Variants in PCDH9 observed in about 807,000 individuals in gnomAD.
The protein encoded by PCDH9 is protocadherin-9.
In PCDH9, 24 loss-of-function variants were observed where a neutral mutation model predicts 70.6. That is an observed-to-expected ratio of 0.34 (90% CI 0.25 to 0.48). The LOEUF (loss-of-function observed/expected upper bound fraction) is 0.48, where lower values mean the gene tolerates loss of function less well. Ranked by LOEUF, PCDH9 falls within the 20% of genes least tolerant of loss-of-function variation. The pLI is 0.99. For synonymous variants in PCDH9, 562 were observed against 558.5 expected (o/e 1.01, Z -0.09); for missense variants, 1,281 against 1,503.6 (o/e 0.85, Z 2.45).
intron 3 of PCDH9, among the ~76,000 whole-genome samples, chr13:66,669,431 T>G (rs2078142517): frequency 1.3e-5 from 2 of 152,198 alleles, no homozygotes; most frequent in South Asian, 4.1e-4. Context: ...CTTCTATCTT[T>G]TTTTTGTTGT....
intron 4 of PCDH9, among the ~76,000 whole-genome samples, chr13:66,551,590 C>T (rs1456256973): frequency 6.6e-6 from 1 of 152,120 alleles, no homozygotes; most frequent in Non-Finnish European, 1.5e-5. Flanking sequence ...AACATAAACA[C>T]TGATGTCCCA....
intron 4 of PCDH9, among the ~76,000 whole-genome samples, chr13:66,435,125 C>G (rs780453752): frequency 6.6e-6 from 1 of 151,968 alleles, no homozygotes. Context: ...AAACTGTAAC[C>G]CATGATATGG....
At chr13:66,393,531 G>T (rs1957054114) in intron 4 of PCDH9, among the ~76,000 whole-genome samples, 1 of 152,148 alleles carries the variant, frequency 6.6e-6, no homozygotes, top group Admixed American at 6.5e-5. Flanking sequence ...GGAGATTCAT[G>T]TCCTTAGGGA....
At chr13:66,865,279 G>T (rs946567187) in intron 3 of PCDH9, among the ~76,000 whole-genome samples, 2 of 152,162 alleles carry the variant, frequency 1.3e-5, no homozygotes, top group Non-Finnish European at 2.9e-5. Flanking sequence ...CTTCAGGTAT[G>T]TGGACACATT....
chr13:66,809,065 A>T (rs563215630), intron 3 of PCDH9, among the ~76,000 whole-genome samples: 1 of 152,178 alleles, frequency 6.6e-6, no homozygotes, highest in African/African-American at 2.4e-5. Context: ...CTCCTGCCTC[A>T]GCCTCCTGAG....
chr13:67,047,167 AG>A (rs141667297), intron 2 of PCDH9, among the ~76,000 whole-genome samples: 15,942 of 152,160 alleles, frequency 0.1, 908 homozygotes, highest in Middle Eastern at 0.15. Context: ...GCTAAAATTC[AG>A]ATTTCTGAAC....
Position 66,573,614 on chromosome 13 carries a change from G to A in PCDH9, c.3340+57596C>T, listed in dbSNP as rs530557863. On this transcript the variant is annotated intron_variant, in intron 4 of 4. Coordinates refer to ENST00000377865, the MANE Select transcript of PCDH9 (RefSeq NM_203487.3). ...CATAGTATCTGGCACAGGTTGAGAT[G>A]CTACGTTAAGACAGTCCATTTGCAA... Among the ~76,000 whole-genome samples the A allele has an allele frequency of 2.6e-5, 4 of 152,288 alleles. No homozygotes were observed. In the East Asian group the frequency reaches 7.7e-4, roughly 29 times the overall value.
intron 4 of PCDH9, among the ~76,000 whole-genome samples, chr13:66,485,696 C>T (rs1395337996): frequency 6.6e-6 from 1 of 151,844 alleles, no homozygotes; most frequent in Non-Finnish European, 1.5e-5. Context: ...AATTATTCTT[C>T]AACCCTATTA....
At chr13:66,427,895 G>A (rs1957700732) in intron 4 of PCDH9, among the ~76,000 whole-genome samples, 1 of 151,386 alleles carries the variant, frequency 6.6e-6, no homozygotes, top group Non-Finnish European at 1.5e-5. Context: ...GAAAATTAAT[G>A]GAACTAAATA....
At chr13:66,535,624 T>C (rs1960666032) in intron 4 of PCDH9, among the ~76,000 whole-genome samples, 1 of 152,092 alleles carries the variant, frequency 6.6e-6, no homozygotes, top group Admixed American at 6.6e-5. Context: ...ACTGGATTGA[T>C]TATGAATGTA....
intron 4 of PCDH9, among the ~76,000 whole-genome samples, chr13:66,436,788 T>C (rs1450442232): frequency 6.6e-6 from 1 of 152,156 alleles, no homozygotes; most frequent in African/African-American, 2.4e-5. Context: ...AATGCATTCT[T>C]TTTTGAAGTC....
intron 2 of PCDH9, among the ~76,000 whole-genome samples, chr13:67,161,169 ATAGT>A (rs1341186730): frequency 2.0e-5 from 3 of 152,246 alleles, no homozygotes; most frequent in Admixed American, 6.5e-5. Flanking sequence ...ATGAGTCAAA[ATAGT>A]TAGACAATTC....
intron 4 of PCDH9, among the ~76,000 whole-genome samples, chr13:66,496,245 C>G (rs1959114847): frequency 6.6e-6 from 1 of 152,136 alleles, no homozygotes; most frequent in African/African-American, 2.4e-5. Context: ...CAACTAAAAA[C>G]TTAGGTCATT....
At chr13:66,423,718 A>T (rs903070210) in intron 4 of PCDH9, among the ~76,000 whole-genome samples, 6 of 152,200 alleles carry the variant, frequency 3.9e-5, no homozygotes, top group African/African-American at 1.4e-4. Flanking sequence ...CACAGCCAAT[A>T]TCATACTGAA....
chr13:66,564,828 TTAA>T (rs943298357), intron 4 of PCDH9, among the ~76,000 whole-genome samples: 1 of 151,946 alleles, frequency 6.6e-6, no homozygotes, highest in Admixed American at 6.6e-5. Context: ...AAATACAAAA[TTAA>T]ACTCACTCAG....
At chr13:67,197,713 C>A (rs1006410393) in intron 2 of PCDH9, among the ~76,000 whole-genome samples, 2 of 151,802 alleles carry the variant, frequency 1.3e-5, no homozygotes, top group African/African-American at 4.8e-5. Flanking sequence ...TTTAAAGCAG[C>A]AAATATATTT....
intron 4 of PCDH9, among the ~76,000 whole-genome samples, chr13:66,413,835 T>C (rs2138329936): frequency 6.6e-6 from 1 of 152,254 alleles, no homozygotes; most frequent in African/African-American, 2.4e-5. Flanking sequence ...ACTATGCATC[T>C]GTGACTTAGG....
chr13:67,227,478 C>T lies in PCDH9; in HGVS notation c.963G>A (p.Glu321=), dbSNP rs150268494. 3.6e-4 allele frequency: 578 copies of T among 1,613,904 alleles called. No homozygotes were observed. The highest frequency in any genetic ancestry group is 4.7e-4 in the Admixed American group (28 of 60,020). ...LITVQRSLDR[E]ETAIHKVTVL... Reference sequence around the variant, plus strand: ...CTGTCACTTTGTGAATGGCTGTCTCCTCTCTATCTAAGGACCTCTGAACTG... The same window carrying T: ...CTGTCACTTTGTGAATGGCTGTCTCTTCTCTATCTAAGGACCTCTGAACTG... The change falls in exon 2 of 5, where the codon GAG becomes GAA. Residue 321 remains glutamate (E), a synonymous_variant. Transcript: ENST00000377865. This position sits in a 1 kb window ranked among gnomAD's most constrained non-coding sequence, Gnocchi z 4.6.
intron 3 of PCDH9, among the ~76,000 whole-genome samples, chr13:66,805,263 T>C (rs1204556184): frequency 1.3e-5 from 2 of 152,128 alleles, no homozygotes; most frequent in Non-Finnish European, 2.9e-5. Context: ...GTAGCAGATC[T>C]CTAGAGATAT....
Sources: gnomAD v4.1 joint callset for allele counts (sites outside exome capture counted in the v4.1 genomes callset) on GRCh38, gnomAD v4.1.1 for gene constraint, Gnocchi (gnomAD v3.1) non-coding constraint, MANE v1.5 for transcripts, NCBI Gene and HGNC (gene_info 2026-07-23, HGNC 2026-07-21) for gene names.